The following DACH2 variants were observed in gnomAD, a reference collection of about 807,000 sequenced individuals.
The protein encoded by DACH2 is dachshund homolog 2.
Under a neutral mutation model 35.8 loss-of-function variants are expected in DACH2, and 17 were observed. That is an observed-to-expected ratio of 0.48 (90% CI 0.33 to 0.71). The LOEUF is 0.71. DACH2 is among the 30% of genes least tolerant of loss of function. The probability of loss-of-function intolerance (pLI) is 0.02; values close to 1 mark genes in which losing one functional copy is unlikely to be tolerated. For synonymous variants in DACH2, 195 were observed against 177.3 expected, an observed-to-expected ratio of 1.10 and a Z score of -0.79; for missense variants, 469 against 472.7, an observed-to-expected ratio of 0.99 and a Z score of 0.07.
rs771443100 is a variant in DACH2 at position 86,290,691 on chromosome X, A to G, written c.489-86133A>G. Among the ~76,000 whole-genome samples, 561 of 103,069 alleles carry G rather than the reference A, an allele frequency of 5.4e-3. 5 individuals are homozygous for G. The highest frequency in any genetic ancestry group is 0.02 in the African/African-American group (535 of 27,260). The allele number at this position is 103,069 out of a possible 115,157, so 89.5% of individuals were successfully genotyped here. On this transcript the variant is annotated intron_variant, in intron 1 of 11. Transcript: ENST00000373125. ...TTATTAAATAGGGAATCCTTTCCCC[A>G]TTGCTTGTTTTTCTCAGGTTTGTCA...
At chrX:86,454,035 G>T (rs905992275) in intron 2 of DACH2, among the ~76,000 whole-genome samples, 5 of 111,251 alleles carry the variant, frequency 4.5e-5, no homozygotes, top group Non-Finnish European at 7.5e-5. Context: ...CTTTGCTTAT[G>T]AAGCTTAGTT....
intron 3 of DACH2, among the ~76,000 whole-genome samples, chrX:86,626,005 C>T (rs1353560618): frequency 9.0e-6 from 1 of 111,526 alleles, no homozygotes; most frequent in African/African-American, 3.3e-5. Context: ...CCAACAGTCC[C>T]CCAAAGTCTT....
chrX:86,421,112 G>A (rs763534175), intron 2 of DACH2, among the ~76,000 whole-genome samples: 3 of 111,482 alleles, frequency 2.7e-5, no homozygotes, highest in South Asian at 7.3e-4. Context: ...TAATATACAC[G>A]TGTACACGGA....
rs113437275 is a variant in DACH2, at chrX:86,536,029, G to A, written c.640+21638G>A. The stretch of plus-strand genomic sequence containing the variant: ...GAACTGGAATTGGGAGCATAGATAA[G>A]GTCTGCTGGTCACAGAAAAATGGGC... On this transcript the variant is annotated intron_variant, in intron 3 of 11. Coordinates refer to ENST00000373125, the MANE Select transcript of DACH2 (RefSeq NM_053281.3). 8.8e-3 allele frequency among the ~76,000 whole-genome samples: 971 copies of A among 110,857 alleles called. 4 individuals are homozygous for A. Among genetic ancestry groups the A allele is most frequent in the Middle Eastern group, 0.028 (6 of 215 alleles).
chrX:86,523,337 G>A (rs1411044290), intron 3 of DACH2, among the ~76,000 whole-genome samples: 3 of 110,821 alleles, frequency 2.7e-5, no homozygotes, highest in Admixed American at 9.6e-5. Context: ...TTTTCATGAT[G>A]CATTTCAAAT....
chrX:86,779,663 G>A (rs2042070870), intron 7 of DACH2, among the ~76,000 whole-genome samples: 1 of 111,560 alleles, frequency 9.0e-6, no homozygotes, highest in African/African-American at 3.3e-5. Flanking sequence ...GAGTTGCAGT[G>A]CCTTGGATCA....
intron 2 of DACH2, among the ~76,000 whole-genome samples, chrX:86,499,510 G>T: frequency 9.0e-6 from 1 of 111,266 alleles, no homozygotes; most frequent in Non-Finnish European, 1.9e-5. Flanking sequence ...ATAGAGAGAT[G>T]GTATTCAGAA....
At chrX:86,410,495 T>A (rs1382108901) in intron 2 of DACH2, among the ~76,000 whole-genome samples, 3 of 111,808 alleles carry the variant, frequency 2.7e-5, no homozygotes, top group African/African-American at 9.8e-5. Context: ...TGGAACTAAC[T>A]ACGTGATTTT....
chrX:86,742,248 A>G (rs1177457618), intron 7 of DACH2, among the ~76,000 whole-genome samples: 1 of 110,897 alleles, frequency 9.0e-6, no homozygotes, highest in Non-Finnish European at 1.9e-5. Context: ...ATAGGGCTAC[A>G]TAATGTTTGA....
intron 7 of DACH2, among the ~76,000 whole-genome samples, chrX:86,759,566 T>C (rs1173274873): frequency 9.1e-6 from 1 of 109,453 alleles, no homozygotes; most frequent in Admixed American, 9.7e-5. Context: ...GTTTGTTTTT[T>C]TTTTTTTTAA....
chrX:86,272,347 A>T (rs190720078), intron 1 of DACH2, among the ~76,000 whole-genome samples: 91 of 110,998 alleles, frequency 8.2e-4, no homozygotes, highest in African/African-American at 2.9e-3. Context: ...AAAAATTAGA[A>T]CAATGTCAAG....
At chrX:86,529,476 A>G (rs1216732131) in intron 3 of DACH2, among the ~76,000 whole-genome samples, 3 of 92,240 alleles carry the variant, frequency 3.3e-5, no homozygotes, top group African/African-American at 1.2e-4. Context: ...TGTGATCAAC[A>G]TTTTTTTTTT....
chrX:86,326,267 G>C (rs1004941233), intron 1 of DACH2, among the ~76,000 whole-genome samples: 1 of 110,315 alleles, frequency 9.1e-6, no homozygotes, highest in Non-Finnish European at 1.9e-5. Context: ...ACGAGGTCAG[G>C]AGTTTGAGAG....
Position 86,449,949 on chromosome X carries a change from A to G in DACH2, c.528-64330A>G, listed in dbSNP as rs1244649769. Among the ~76,000 whole-genome samples the G allele has an allele frequency of 1.1e-4, 12 of 111,716 alleles. No individual in the cohort carries two copies. In the Admixed American group the frequency reaches 1.2e-3, roughly 11 times the overall value. On this transcript the variant is annotated intron_variant, in intron 2 of 11. Coordinates refer to ENST00000373125, the MANE Select transcript of DACH2 (RefSeq NM_053281.3). ...TTTCAGTTTTAGAGTATTCTTGTCT[A>G]TGTATATTCTTTTACCAGCGAATTT...
chrX:86,652,307 A>G (rs1007627441), intron 4 of DACH2, among the ~76,000 whole-genome samples: 1 of 112,292 alleles, frequency 8.9e-6, no homozygotes, highest in Non-Finnish European at 1.9e-5. Context: ...ATAGTATTCC[A>G]TGGTGCACAT....
chrX:86,547,171 A>C (rs1417972820), intron 3 of DACH2, among the ~76,000 whole-genome samples: 1 of 111,463 alleles, frequency 9.0e-6, no homozygotes, highest in East Asian at 2.8e-4. Context: ...TTGACATGTC[A>C]GAGAGAATCC....
chrX:86,292,216 G>T (rs1343142666), intron 1 of DACH2, among the ~76,000 whole-genome samples: 1 of 91,604 alleles, frequency 1.1e-5, no homozygotes, highest in African/African-American at 4.3e-5. Flanking sequence ...TTTGCGTAGA[G>T]GTGTTTGTAG....
chrX:86,465,284 T>C (rs991905334), intron 2 of DACH2, among the ~76,000 whole-genome samples: 2 of 112,144 alleles, frequency 1.8e-5, no homozygotes, highest in African/African-American at 6.5e-5. Context: ...TTGCAAACCC[T>C]TTGTCTTGAT....
chrX:86,376,563 C>G (rs747569676), intron 1 of DACH2, among the ~76,000 whole-genome samples: 17 of 110,632 alleles, frequency 1.5e-4, no homozygotes, highest in African/African-American at 5.5e-4. Context: ...TCACATTATT[C>G]TTTAGTCAAT....
Sources: allele counts gnomAD v4.1 joint callset (sites outside exome capture counted in the v4.1 genomes callset), GRCh38; gene constraint gnomAD v4.1.1; transcripts MANE v1.5; gene names NCBI Gene and HGNC (gene_info 2026-07-23, HGNC 2026-07-21).